Variants in SPAG16 observed in about 807,000 individuals in gnomAD.
SPAG16 encodes sperm associated antigen 16, also known as sperm-associated antigen 16 protein.
A neutral mutation model predicts 80.4 loss-of-function variants in SPAG16; 86 were observed. That is an observed-to-expected ratio of 1.07 (90% CI 0.90 to 1.28). The LOEUF is 1.28. SPAG16 is among the 50% of genes most tolerant of loss of function. The pLI, the probability that SPAG16 is intolerant of heterozygous loss-of-function variation, is 0.00. For missense variants in SPAG16, 870 were observed against 765.3 expected, an observed-to-expected ratio of 1.14 and a Z score of -1.61; for synonymous variants, 294 against 265.9, an observed-to-expected ratio of 1.11 and a Z score of -1.03.
intron 15 of SPAG16, among the ~76,000 whole-genome samples, chr2:214,241,816 C>T (rs923394627): frequency 1.3e-5 from 2 of 152,014 alleles, no homozygotes; most frequent in Non-Finnish European, 2.9e-5. Context: ...GGATATGTTA[C>T]CTGCCTTTCA....
At chr2:214,188,552 CCAAA>C (rs1468612903) in intron 15 of SPAG16, among the ~76,000 whole-genome samples, 1 of 152,084 alleles carries the variant, frequency 6.6e-6, no homozygotes, top group African/African-American at 2.4e-5. Context: ...TATTTCAAAA[CCAAA>C]CATTCTTTGG....
intron 10 of SPAG16, among the ~76,000 whole-genome samples, chr2:213,582,197 A>T (rs2060320203): frequency 6.6e-6 from 1 of 152,160 alleles, no homozygotes; most frequent in Admixed American, 6.6e-5. Flanking sequence ...GATACTATCC[A>T]AAACTTTTTC....
At position 213,859,206 on chromosome 2, in the gene SPAG16, AAAAAAAAAAAC is replaced by A. The variant is rs1488608840; in HGVS notation, c.1071-3278_1071-3268del. ...AAAAAAAAAAAAAAAAAAAAAAAAA[AAAAAAAAAAAC>A]TCAATGTCCTCTGACAACTTGATGT... On this transcript the variant is annotated intron_variant, in intron 10 of 15. Transcript: ENST00000331683. 4.5e-3 allele frequency among the ~76,000 whole-genome samples: 566 copies of A among 126,438 alleles called. 31 individuals carry two copies. Among genetic ancestry groups the A allele is most frequent in the Non-Finnish European group, 6.5e-3 (405 of 61,860 alleles). The allele number at this position is 126,438 out of a possible 152,430, so 82.9% of individuals were successfully genotyped here.
chr2:213,525,132 T>C (rs2075838391), intron 10 of SPAG16, among the ~76,000 whole-genome samples: 1 of 152,088 alleles, frequency 6.6e-6, no homozygotes, highest in South Asian at 2.1e-4. Flanking sequence ...GATGTTTGTA[T>C]AAGGGGCTTT....
Position 213,802,395 on chromosome 2 carries a change from CTCTATCTATCTATCTATCTATCTA to C in SPAG16, c.1071-60061_1071-60038del, listed in dbSNP as rs58879510. Among the ~76,000 whole-genome samples, 861 of 148,134 alleles carry C rather than the reference CTCTATCTATCTATCTATCTATCTA, an allele frequency of 5.8e-3. 3 individuals are homozygous for C. Among genetic ancestry groups the C allele is most frequent in the Non-Finnish European group, 9.3e-3 (622 of 67,096 alleles). On this transcript the variant is annotated intron_variant, in intron 10 of 15. Coordinates refer to ENST00000331683, the MANE Select transcript of SPAG16 (RefSeq NM_024532.5). ...TACTTAAAACCCAAATGATTCATGT[CTCTATCTATCTATCTATCTATCTA>C]TCTATCTATCTATCTATCTATCTAT...
chr2:213,547,863 G>GT (rs1208194134), intron 10 of SPAG16, among the ~76,000 whole-genome samples: 1 of 152,104 alleles, frequency 6.6e-6, no homozygotes, highest in Non-Finnish European at 1.5e-5. Flanking sequence ...TTTGAACATT[G>GT]TTTTTATCAC....
chr2:213,748,979 T>C (rs1471195509), intron 10 of SPAG16, among the ~76,000 whole-genome samples: 1 of 152,060 alleles, frequency 6.6e-6, no homozygotes, highest in African/African-American at 2.4e-5. Context: ...AAACCCTGTC[T>C]CTATTAAAAA....
intron 15 of SPAG16, among the ~76,000 whole-genome samples, chr2:214,277,460 A>C (rs180918621): frequency 6.6e-5 from 10 of 152,104 alleles, no homozygotes; most frequent in African/African-American, 2.4e-4. Flanking sequence ...TGACCTACCA[A>C]TGGGGTTTTG....
chr2:214,263,414 C>T (rs938173246), intron 15 of SPAG16, among the ~76,000 whole-genome samples: 1 of 152,130 alleles, frequency 6.6e-6, no homozygotes, highest in South Asian at 2.1e-4. Flanking sequence ...GCAATGAAAT[C>T]ATTTCTGTTA....
intron 15 of SPAG16, among the ~76,000 whole-genome samples, chr2:214,409,877 G>A (rs1702202465): frequency 6.6e-6 from 1 of 152,144 alleles, no homozygotes; most frequent in Non-Finnish European, 1.5e-5. Context: ...ATAGTAGGAT[G>A]TTTGATGAAA....
At chr2:213,900,753 AT>A (rs1249971995) in intron 11 of SPAG16, among the ~76,000 whole-genome samples, 1 of 151,948 alleles carries the variant, frequency 6.6e-6, no homozygotes, top group Non-Finnish European at 1.5e-5. Context: ...TTCCTCTCCT[AT>A]TTTTACATTG....
At chr2:213,995,803 A>G (rs939641250) in intron 12 of SPAG16, among the ~76,000 whole-genome samples, 6 of 152,224 alleles carry the variant, frequency 3.9e-5, no homozygotes, top group African/African-American at 1.4e-4. Flanking sequence ...ACTTAGGACT[A>G]GGATCCAGCC....
At position 213,408,664 on chromosome 2, in the gene SPAG16, G is replaced by A. The variant is rs187901333; in HGVS notation, c.942+33545G>A. On this transcript the variant is annotated intron_variant, in intron 9 of 15. Coordinates refer to ENST00000331683, the MANE Select transcript of SPAG16 (RefSeq NM_024532.5). Reference sequence around the variant, plus strand: ...GACAGGACCATAGATGTTTCTTCCCGGGTGAATGAGGGAAAAAGACACAAT... The same window carrying A: ...GACAGGACCATAGATGTTTCTTCCCAGGTGAATGAGGGAAAAAGACACAAT... Among the ~76,000 whole-genome samples the A allele has an allele frequency of 2.6e-5, 4 of 152,248 alleles. No individual in the cohort carries two copies. In the East Asian group the frequency reaches 5.8e-4, roughly 22 times the overall value.
At chr2:214,123,925 A>G (rs2054350368) in intron 14 of SPAG16, among the ~76,000 whole-genome samples, 1 of 152,068 alleles carries the variant, frequency 6.6e-6, no homozygotes, top group African/African-American at 2.4e-5. Context: ...ACTGATTGGT[A>G]ATGTCACCTA....
At chr2:214,208,581 C>T (rs1013791740) in intron 15 of SPAG16, among the ~76,000 whole-genome samples, 6 of 152,132 alleles carry the variant, frequency 3.9e-5, no homozygotes, top group Admixed American at 1.3e-4. Flanking sequence ...AAAGCATTGG[C>T]TCTAGAGCTA....
At chr2:213,513,919 G>T (rs1035837004) in intron 10 of SPAG16, among the ~76,000 whole-genome samples, 4 of 152,244 alleles carry the variant, frequency 2.6e-5, no homozygotes, top group African/African-American at 9.6e-5. Flanking sequence ...CTCAATCATA[G>T]ATTGCAAATC....
intron 10 of SPAG16, among the ~76,000 whole-genome samples, chr2:213,526,438 C>T (rs1183388439): frequency 6.6e-6 from 1 of 152,124 alleles, no homozygotes; most frequent in South Asian, 2.1e-4. Context: ...ATGTGTAAAA[C>T]TTATTTTAAT....
At chr2:214,243,643 T>C (rs943495601) in intron 15 of SPAG16, among the ~76,000 whole-genome samples, 12 of 152,150 alleles carry the variant, frequency 7.9e-5, no homozygotes, top group African/African-American at 2.9e-4. Context: ...TCACTTCTTG[T>C]TTGGGAATTT....
At chr2:213,612,892 C>T (rs1278017379) in intron 10 of SPAG16, among the ~76,000 whole-genome samples, 1 of 152,032 alleles carries the variant, frequency 6.6e-6, no homozygotes, top group African/African-American at 2.4e-5. Context: ...AGGCTGGTCT[C>T]GAACTCCTGA....
Sources: gnomAD v4.1 joint callset for allele counts (sites outside exome capture counted in the v4.1 genomes callset) on GRCh38, gnomAD v4.1.1 for gene constraint, MANE v1.5 for transcripts, NCBI Gene and HGNC (gene_info 2026-07-23, HGNC 2026-07-21) for gene names.